The following OSTF1 variants were observed in gnomAD, a reference collection of about 807,000 sequenced individuals.
OSTF1 encodes the protein osteoclast-stimulating factor 1.
Under a neutral mutation model 37.2 loss-of-function variants are expected in OSTF1, and 27 were observed. The observed-to-expected ratio is 0.73, with a 90% CI of 0.54 to 1.00. The LOEUF is 1.00. Among genes scored for constraint, OSTF1 ranks in the 50% least tolerant of loss-of-function variants. The pLI, the probability that OSTF1 is intolerant of heterozygous loss-of-function variation, is 0.00. For synonymous variants in OSTF1, 82 were observed against 89.2 expected, an observed-to-expected ratio of 0.92 and a Z score of 0.46; for missense variants, 232 against 253.8, an observed-to-expected ratio of 0.91 and a Z score of 0.58.
intron 5 of OSTF1, among the ~76,000 whole-genome samples, chr9:75,132,828 GT>G (rs1160509388): frequency 6.6e-6 from 1 of 152,030 alleles, no homozygotes; most frequent in Non-Finnish European, 1.5e-5. Flanking sequence ...CTTTGAGTAG[GT>G]TATTTAGCCT....
At chr9:75,114,664 T>G (rs146452752) in intron 1 of OSTF1, among the ~76,000 whole-genome samples, 2 of 152,156 alleles carry the variant, frequency 1.3e-5, no homozygotes. Context: ...GCAATTCTCA[T>G]GACACCCACC....
At chr9:75,104,683 A>C (rs1254166082) in intron 1 of OSTF1, among the ~76,000 whole-genome samples, 1 of 152,232 alleles carries the variant, frequency 6.6e-6, no homozygotes, top group Non-Finnish European at 1.5e-5. Flanking sequence ...TCCCAGAATA[A>C]TGTAAAAAGG....
intron 2 of OSTF1, among the ~76,000 whole-genome samples, chr9:75,127,081 C>G (rs1054939788): frequency 6.6e-6 from 1 of 152,120 alleles, no homozygotes; most frequent in Non-Finnish European, 1.5e-5. Context: ...TTCATTCTCC[C>G]TGAACATGAA....
At chr9:75,115,955 T>G (rs1825481336) in intron 1 of OSTF1, among the ~76,000 whole-genome samples, 1 of 151,920 alleles carries the variant, frequency 6.6e-6, no homozygotes, top group Admixed American at 6.6e-5. Flanking sequence ...AATATAAAAA[T>G]TAGCTGGGTA....
intron 1 of OSTF1, among the ~76,000 whole-genome samples, chr9:75,113,498 G>T (rs1336421059): frequency 1.3e-5 from 2 of 151,406 alleles, no homozygotes; most frequent in Non-Finnish European, 2.9e-5. Context: ...GCCCAAGCTG[G>T]AGTGCAGTGG....
chr9:75,105,151 C>G (rs1825261568), intron 1 of OSTF1, among the ~76,000 whole-genome samples: 1 of 152,146 alleles, frequency 6.6e-6, no homozygotes. Flanking sequence ...CCCAACCAGT[C>G]ATTTCATATG....
At chr9:75,105,179 A>C (rs762491167) in intron 1 of OSTF1, among the ~76,000 whole-genome samples, 3 of 152,204 alleles carry the variant, frequency 2.0e-5, no homozygotes, top group Non-Finnish European at 4.4e-5. Context: ...GTCATGACCC[A>C]GATTGGTTTT....
chr9:75,125,332 T>G (rs1192444493), intron 2 of OSTF1, among the ~76,000 whole-genome samples: 11 of 152,198 alleles, frequency 7.2e-5, no homozygotes, highest in Admixed American at 7.2e-4. Flanking sequence ...GGAAATAGTT[T>G]GTTTACCTAA....
chr9:75,115,795 G>A (rs1196044323), intron 1 of OSTF1, among the ~76,000 whole-genome samples: 2 of 151,940 alleles, frequency 1.3e-5, no homozygotes, highest in Admixed American at 6.6e-5. Flanking sequence ...AATATATTCA[G>A]GAAAAATACT....
chr9:75,145,565 G>A (rs1826010611), intron 9 of OSTF1, among the ~76,000 whole-genome samples: 1 of 152,072 alleles, frequency 6.6e-6, no homozygotes, highest in African/African-American at 2.4e-5. Flanking sequence ...CATTCTATTA[G>A]GAAAAGTTTT....
intron 8 of OSTF1, among the ~76,000 whole-genome samples, chr9:75,139,277 G>A (rs984184064): frequency 6.6e-6 from 1 of 151,660 alleles, no homozygotes; most frequent in Admixed American, 6.6e-5. Context: ...CAAGCGATCC[G>A]CCTGCCTCAG....
chr9:75,142,209 A>G (rs532356373), intron 9 of OSTF1, among the ~76,000 whole-genome samples: 8 of 152,282 alleles, frequency 5.3e-5, no homozygotes, highest in Admixed American at 2.0e-4. Flanking sequence ...TTCCTCATGG[A>G]TAGATGGAGA....
chr9:75,130,642 G>C lies in OSTF1; in HGVS notation c.196+1G>C. On this transcript the variant is annotated splice_donor_variant, in intron 4 of 9. Coordinates refer to ENST00000346234, the MANE Select transcript of OSTF1 (RefSeq NM_012383.5). LOFTEE classifies it high-confidence loss of function. ...ACTGGACTAATTCCAAGCAACTATG[G>C]TAAGTGTTGCTGAGTGGTTTTACTT... is the stretch of plus-strand genomic sequence containing the variant. The C allele has an allele frequency of 6.2e-7, 1 of 1,602,252 alleles. No individual in the cohort carries two copies. Among genetic ancestry groups the C allele is most frequent in the Non-Finnish European group, 8.6e-7 (1 of 1,169,280 alleles).
intron 1 of OSTF1, among the ~76,000 whole-genome samples, chr9:75,090,174 TTTATC>T (rs1233478892): frequency 3.3e-5 from 5 of 152,180 alleles, no homozygotes; most frequent in Admixed American, 2.6e-4. Flanking sequence ...CAATATTTTA[TTTATC>T]TTATTTTTTT....
chr9:75,140,894 C>G lies in OSTF1; in HGVS notation c.548C>G (p.Ala183Gly), dbSNP rs1291782092. The G allele has an allele frequency of 2.5e-6, 4 of 1,613,502 alleles. No homozygotes were observed. The African/African-American group carries it at 5.3e-5, about 22-fold the overall frequency. Reference protein sequence around the residue: ...KKLAFDMATNAACASLLKKKQ... With the variant: ...KKLAFDMATNGACASLLKKKQ... ...CTGGCCTTCGACATGGCTACCAATG[C>G]TGCCTGTGCATCTCTCCTGAAAAAG... Residue 183 changes from alanine to glycine, a missense_variant, in exon 9 of 10, where the codon GCT (alanine) becomes GGT (glycine). By Grantham distance (60) the Ala-to-Gly change is moderately conservative. Coordinates refer to ENST00000346234, the MANE Select transcript of OSTF1 (RefSeq NM_012383.5).
chr9:75,134,506 T>C (rs1825813788), intron 7 of OSTF1, 111 bp downstream of exon 7: 5 of 600,402 alleles, frequency 8.3e-6, no homozygotes, highest in Admixed American at 3.6e-5. Flanking sequence ...AAGCACATAA[T>C]TTAAAAATTA....
At chr9:75,140,959 C>A in intron 9 of OSTF1, 27 bp downstream of exon 9, 1 of 1,447,918 alleles carries the variant, frequency 6.9e-7, no homozygotes, top group Non-Finnish European at 9.7e-7. Flanking sequence ...CTTCTTTCTC[C>A]TCTGGTGCCC....
chr9:75,116,018 C>T (rs2118509129), intron 1 of OSTF1, among the ~76,000 whole-genome samples: 1 of 152,156 alleles, frequency 6.6e-6, no homozygotes, highest in East Asian at 1.9e-4. Flanking sequence ...GCAGGAGAAT[C>T]TCTTGAACCT....
At chr9:75,130,050 G>T (rs35690457) in intron 3 of OSTF1, among the ~76,000 whole-genome samples, 3,206 of 152,106 alleles carry the variant, frequency 0.021, 60 homozygotes, top group Middle Eastern at 0.037. Context: ...ACGTCATGGG[G>T]GCATATATGA....
Sources: gnomAD v4.1 joint callset for allele counts (sites outside exome capture counted in the v4.1 genomes callset) on GRCh38, gnomAD v4.1.1 for gene constraint, MANE v1.5 for transcripts, NCBI Gene and HGNC (gene_info 2026-07-23, HGNC 2026-07-21) for gene names.